NXPE2: variants seen among roughly 807,000 people sequenced by gnomAD.
NXPE2 encodes neurexophilin and PC-esterase domain family member 2.
Under a neutral mutation model 34.4 loss-of-function variants are expected in NXPE2, and 34 were observed. The ratio of observed to expected loss-of-function variants is 0.99; its 90% CI spans 0.75 to 1.31. The LOEUF (loss-of-function observed/expected upper bound fraction) is 1.31. NXPE2 is among the 40% of genes most tolerant of loss of function. NXPE2 has a pLI of 0.00. For synonymous variants in NXPE2, 235 were observed against 231.3 expected, an observed-to-expected ratio of 1.02 and a Z score of -0.15; for missense variants, 649 against 672.5, an observed-to-expected ratio of 0.97 and a Z score of 0.39.
the NXPE2 span, among the ~76,000 whole-genome samples, chr11:114,773,288 C>CCCCCCCCCCCCCG: frequency 1.4e-4 from 13 of 95,866 alleles, no homozygotes; most frequent in East Asian, 4.2e-4. Flanking sequence ...CACCCCCCCC[C>CCCCCCCCCCCCCG]CACCCCATTC....
the NXPE2 span, among the ~76,000 whole-genome samples, chr11:114,729,554 A>C: frequency 1.3e-5 from 2 of 152,060 alleles, no homozygotes; most frequent in African/African-American, 4.8e-5. Context: ...CCTTTTCTCT[A>C]CAGCCTTGCC....
At chr11:114,519,144 T>C in the NXPE2 span, among the ~76,000 whole-genome samples, 1 of 152,324 alleles carries the variant, frequency 6.6e-6, no homozygotes, top group East Asian at 1.9e-4. Flanking sequence ...GAGCCTTTTA[T>C]ATGACAAATG....
At chr11:114,503,360 C>A in the NXPE2 span, among the ~76,000 whole-genome samples, 2 of 151,914 alleles carry the variant, frequency 1.3e-5, no homozygotes, top group Non-Finnish European at 2.9e-5. Flanking sequence ...ATAAAAGGAA[C>A]CTAGAAGAGA....
the NXPE2 span, among the ~76,000 whole-genome samples, chr11:114,629,513 A>G: frequency 2.0e-5 from 3 of 151,636 alleles, no homozygotes; most frequent in Non-Finnish European, 4.4e-5. Flanking sequence ...TATTGATGGG[A>G]CATATCTCAA....
At chr11:114,779,077 A>T in the NXPE2 span, among the ~76,000 whole-genome samples, 1 of 152,072 alleles carries the variant, frequency 6.6e-6, no homozygotes, top group Non-Finnish European at 1.5e-5. Context: ...TGAAGGAAAA[A>T]ATGTTTTTGA....
chr11:114,638,939 G>C, the NXPE2 span, among the ~76,000 whole-genome samples: 1 of 152,068 alleles, frequency 6.6e-6, no homozygotes, highest in South Asian at 2.1e-4. Flanking sequence ...TGAGGAGGCA[G>C]TCTGCCCATT....
the NXPE2 span, among the ~76,000 whole-genome samples, chr11:114,476,183 A>G: frequency 1.3e-5 from 2 of 152,200 alleles, no homozygotes; most frequent in Non-Finnish European, 2.9e-5. Context: ...ACCTGTAGTA[A>G]TAGCTTTAAA....
chr11:114,617,699 T>A, the NXPE2 span, among the ~76,000 whole-genome samples: 16 of 152,166 alleles, frequency 1.1e-4, no homozygotes, highest in East Asian at 7.7e-4. Flanking sequence ...TACTGCCTCG[T>A]GGGTAACCAC....
the NXPE2 span, chr11:114,553,811 A>G: frequency 2.0e-5 from 19 of 973,180 alleles, no homozygotes; most frequent in Non-Finnish European, 2.2e-5. Flanking sequence ...AAGCCTATTC[A>G]TGCACATTTC....
chr11:114,599,938 G>T, the NXPE2 span, among the ~76,000 whole-genome samples: 1 of 151,992 alleles, frequency 6.6e-6, no homozygotes. Flanking sequence ...AAAAATCTAT[G>T]AGTTCATATC....
At chr11:114,679,606 T>C in intron 1 of NXPE2, 51 bp from the exon 2 acceptor site, 1 of 1,143,318 alleles carries the variant, frequency 8.7e-7, no homozygotes, top group Non-Finnish European at 1.3e-6. Context: ...TACGGAGCCA[T>C]GTCGTACTTA....
At chr11:114,577,090 T>G in the NXPE2 span, among the ~76,000 whole-genome samples, 2 of 140,398 alleles carry the variant, frequency 1.4e-5, no homozygotes, top group African/African-American at 5.3e-5. Flanking sequence ...TATATACATA[T>G]ATATATAAAG....
chr11:114,623,495 T>C, the NXPE2 span, among the ~76,000 whole-genome samples: 1 of 152,108 alleles, frequency 6.6e-6, no homozygotes, highest in Non-Finnish European at 1.5e-5. Flanking sequence ...TAACCACTGT[T>C]ACCCAGTGGA....
the NXPE2 span, among the ~76,000 whole-genome samples, chr11:114,629,378 A>G: frequency 6.6e-6 from 1 of 151,754 alleles, no homozygotes; most frequent in Non-Finnish European, 1.5e-5. Context: ...ACACAAATCA[A>G]TAAATGTAAT....
At chr11:114,466,139 A>G in the NXPE2 span, among the ~76,000 whole-genome samples, 5 of 152,246 alleles carry the variant, frequency 3.3e-5, no homozygotes, top group African/African-American at 1.2e-4. Context: ...TATGAAGGTA[A>G]TTTTTCTGAC....
the NXPE2 span, chr11:114,581,624 G>C: frequency 3.5e-3 from 3,237 of 921,682 alleles, 64 homozygotes; most frequent in African/African-American, 0.048. Context: ...GATGAACAGA[G>C]TGCTGATAGG....
At chr11:114,495,668 G>A in the NXPE2 span, among the ~76,000 whole-genome samples, 2 of 152,212 alleles carry the variant, frequency 1.3e-5, no homozygotes, top group African/African-American at 2.4e-5. Flanking sequence ...GGCCTGAAGT[G>A]AGTACTGCCT....
At chr11:114,635,705 T>A in the NXPE2 span, among the ~76,000 whole-genome samples, 2 of 152,008 alleles carry the variant, frequency 1.3e-5, no homozygotes, top group South Asian at 2.1e-4. Context: ...AGGCCTTTTC[T>A]GCATCTATTG....
At chr11:114,659,279 C>T in the NXPE2 span, among the ~76,000 whole-genome samples, 7 of 151,994 alleles carry the variant, frequency 4.6e-5, no homozygotes, top group African/African-American at 1.7e-4. Flanking sequence ...GCAAGGCAAT[C>T]AATAGACTCA....
Sources: gnomAD v4.1 joint callset for allele counts (sites outside exome capture counted in the v4.1 genomes callset) on GRCh38, gnomAD v4.1.1 for gene constraint, MANE v1.5 for transcripts, NCBI Gene and HGNC (gene_info 2026-07-23, HGNC 2026-07-21) for gene names.